The following ENPP6 variants were observed in gnomAD, a reference collection of about 807,000 sequenced individuals.
ENPP6 encodes glycerophosphocholine cholinephosphodiesterase ENPP6.
In ENPP6, 32 loss-of-function variants were observed where a neutral mutation model predicts 42.0. The observed-to-expected ratio is 0.76, with a 90% CI of 0.58 to 1.02. The LOEUF (loss-of-function observed/expected upper bound fraction) is 1.02, where lower values mean the gene tolerates loss of function less well. Ranked by LOEUF, ENPP6 falls within the 50% of genes least tolerant of loss-of-function variation. ENPP6 has a pLI of 0.00. For synonymous variants in ENPP6, 213 were observed against 216.0 expected (o/e 0.99, Z 0.12); for missense variants, 552 against 566.8 (o/e 0.97, Z 0.27).
intron 2 of ENPP6, among the ~76,000 whole-genome samples, chr4:184,133,435 T>C (rs1377274854): frequency 1.3e-5 from 2 of 152,242 alleles, no homozygotes; most frequent in African/African-American, 4.8e-5. Flanking sequence ...AGTTTTCTGT[T>C]GATACCAATA....
At chr4:184,113,680 T>C (rs1202819891) in intron 5 of ENPP6, among the ~76,000 whole-genome samples, 1 of 152,216 alleles carries the variant, frequency 6.6e-6, no homozygotes, top group African/African-American at 2.4e-5. Flanking sequence ...CTAGAGCCTA[T>C]CCTGCCTGCA....
chr4:184,130,625 A>G (rs1487472584), intron 2 of ENPP6, among the ~76,000 whole-genome samples: 1 of 151,320 alleles, frequency 6.6e-6, no homozygotes, highest in Non-Finnish European at 1.5e-5. Flanking sequence ...TCTGAACCAC[A>G]TAAAGCACTC....
chr4:184,112,551 A>C, intron 6 of ENPP6, 121 bp downstream of exon 6: 1 of 1,252,754 alleles, frequency 8.0e-7, no homozygotes, highest in Non-Finnish European at 1.1e-6. Context: ...GACATAACGC[A>C]ACAAACGATG....
At chr4:184,172,194 G>A (rs918017019) in intron 1 of ENPP6, among the ~76,000 whole-genome samples, 5 of 152,176 alleles carry the variant, frequency 3.3e-5, no homozygotes, top group South Asian at 2.1e-4. Flanking sequence ...GTGATGTGGC[G>A]CATTGTTGGG....
chr4:184,193,516 T>C (rs1206860435), intron 1 of ENPP6, among the ~76,000 whole-genome samples: 1 of 152,116 alleles, frequency 6.6e-6, no homozygotes, highest in Non-Finnish European at 1.5e-5. Context: ...CCTTTTGGGG[T>C]GATAAAAATA....
chr4:184,155,321 T>C (rs1737139515), intron 1 of ENPP6, among the ~76,000 whole-genome samples: 1 of 152,210 alleles, frequency 6.6e-6, no homozygotes, highest in Admixed American at 6.5e-5. Context: ...GTGTCACAAA[T>C]TGTATTATCC....
Position 184,217,834 on chromosome 4 carries a change from G to T in ENPP6, c.-15C>A. On this transcript the variant is annotated 5_prime_UTR_variant, in exon 1 of 8. Transcript: ENST00000296741. ...TTCACTGCCATGCTGCCAGGAGCCT[G>T]CCAGAGCCCGGCTGGCACAGCTGTC... The T allele has an allele frequency of 3.1e-6, 5 of 1,611,110 alleles. No homozygotes were observed. Among genetic ancestry groups the T allele is most frequent in the South Asian group, 1.1e-5 (1 of 90,730 alleles).
intron 1 of ENPP6, 54 bp from the exon 2 acceptor site, chr4:184,153,787 T>C (rs182172743): frequency 1.3e-6 from 2 of 1,565,284 alleles, no homozygotes; most frequent in African/African-American, 1.4e-5. Flanking sequence ...TTTCTATTTT[T>C]ATCTTTGTTT....
chr4:184,203,929 C>A (rs1002308724), intron 1 of ENPP6: 1 of 152,314 alleles, frequency 6.6e-6, no homozygotes, highest in East Asian at 1.9e-4. Flanking sequence ...GCTGTCAGGA[C>A]AAAGTAACAC....
chr4:184,213,248 T>C (rs1733145199), intron 1 of ENPP6, among the ~76,000 whole-genome samples: 1 of 151,936 alleles, frequency 6.6e-6, no homozygotes, highest in Non-Finnish European at 1.5e-5. Flanking sequence ...TGGGATCTAA[T>C]TAAACTGAAG....
intron 1 of ENPP6, among the ~76,000 whole-genome samples, chr4:184,157,787 TTTTTGTA>T (rs1737197481): frequency 6.8e-6 from 1 of 147,534 alleles, no homozygotes; most frequent in African/African-American, 2.5e-5. Context: ...TTTTTTTTTT[TTTTTGTA>T]TTTTTTGTAG....
chr4:184,169,418 GCAGGGGAGGGTGAGTTCTGCTCTC>G (rs1320068877), intron 1 of ENPP6, among the ~76,000 whole-genome samples: 1 of 152,220 alleles, frequency 6.6e-6, no homozygotes, highest in Admixed American at 6.5e-5. Flanking sequence ...GGGGAGGGCA[GCAGGGGAGGGTGAGTTCTGCTCTC>G]CTGGCTCCTG....
At position 184,122,784 on chromosome 4, in the gene ENPP6, G is replaced by A. The variant is rs555695498; in HGVS notation, c.533+1377C>T. On this transcript the variant is annotated intron_variant, in intron 3 of 7. Coordinates refer to ENST00000296741, the MANE Select transcript of ENPP6 (RefSeq NM_153343.4). ...GGTATCTGTATGACAACTCTAACCC[G>A]AAATTTCATATTTGGCACAGCCATG... 2.0e-5 allele frequency among the ~76,000 whole-genome samples: 3 copies of A among 152,304 alleles called. No individual in the cohort carries two copies. In the South Asian group the frequency reaches 6.2e-4, roughly 32 times the overall value.
chr4:184,180,699 A>G (rs1480184231), intron 1 of ENPP6, among the ~76,000 whole-genome samples: 1 of 152,202 alleles, frequency 6.6e-6, no homozygotes, highest in Admixed American at 6.5e-5. Flanking sequence ...TACAAGCCTG[A>G]TTCAACATAC....
intron 1 of ENPP6, among the ~76,000 whole-genome samples, chr4:184,171,809 G>A (rs1210329976): frequency 1.3e-5 from 2 of 151,524 alleles, no homozygotes; most frequent in African/African-American, 4.8e-5. Flanking sequence ...AAACCCCAGT[G>A]TATCCGGCAC....
At chr4:184,147,621 C>G (rs1415677472) in intron 2 of ENPP6, among the ~76,000 whole-genome samples, 1 of 151,944 alleles carries the variant, frequency 6.6e-6, no homozygotes, top group African/African-American at 2.4e-5. Context: ...CACCCCCGAC[C>G]CCATGCCCAT....
chr4:184,126,073 G>T (rs1190767085), intron 2 of ENPP6, among the ~76,000 whole-genome samples: 1 of 152,204 alleles, frequency 6.6e-6, no homozygotes, highest in East Asian at 1.9e-4. Context: ...TGACACATCT[G>T]TATGTAAATT....
In ENPP6 at chr4:184,097,251, C is replaced by T. The variant is rs141496020; in HGVS notation, c.1111G>A (p.Gly371Arg). The T allele has an allele frequency of 1.2e-6, 2 of 1,614,020 alleles. No homozygotes were observed. Among genetic ancestry groups the T allele is most frequent in the African/African-American group, 2.7e-5 (2 of 74,928 alleles). Residue 371 changes from glycine to arginine, a missense_variant, in exon 7 of 8, where the codon GGA (glycine) becomes AGA (arginine). Physicochemically the swap from Gly to Arg is moderately radical, Grantham distance 125. Around this residue, in one of 2 missense-constraint regions of ENPP6, gnomAD observed 545 missense variants for 546.3 expected, o/e 1.00. Transcript: ENST00000296741. ...MDMRGIFLAF[G>R]PDFKSNFRAA... ...TGGTCATTTCCTCGCCTACCAGGTC[C>T]GAAGGCCAGGAAGATGCCCCGCATG...
intron 1 of ENPP6, among the ~76,000 whole-genome samples, chr4:184,172,286 G>A (rs1737482436): frequency 1.3e-5 from 2 of 152,172 alleles, no homozygotes; most frequent in South Asian, 4.1e-4. Flanking sequence ...GACTTCTCAG[G>A]ATGGGAGGTG....
Sources: gnomAD v4.1 joint callset for allele counts (sites outside exome capture counted in the v4.1 genomes callset) on GRCh38, gnomAD v4.1.1 for gene constraint, gnomAD v4.1.1 regional missense constraint, MANE v1.5 for transcripts, NCBI Gene and HGNC (gene_info 2026-07-23, HGNC 2026-07-21) for gene names.